Variants in RABGAP1L observed in about 807,000 individuals in gnomAD.
RABGAP1L encodes the protein RAB GTPase activating protein 1 like, also known as rab GTPase-activating protein 1-like.
Under a neutral mutation model 137.7 loss-of-function variants are expected in RABGAP1L, and 63 were observed. The observed-to-expected ratio is 0.46, with a 90% CI of 0.37 to 0.56. The LOEUF (loss-of-function observed/expected upper bound fraction) is 0.56, where lower values mean the gene tolerates loss of function less well. RABGAP1L is among the 20% of genes least tolerant of loss of function. The pLI is 0.00. For synonymous variants in RABGAP1L, 431 were observed against 433.7 expected, an observed-to-expected ratio of 0.99 and a Z score of 0.08; for missense variants, 1,095 against 1,244.0, an observed-to-expected ratio of 0.88 and a Z score of 1.80.
chr1:174,405,230 T>C (rs12090908), intron 13 of RABGAP1L, among the ~76,000 whole-genome samples: 4,412 of 152,322 alleles, frequency 0.029, 218 homozygotes, highest in African/African-American at 0.096. Context: ...TTTGTTAAGT[T>C]TCAAAACTAA....
intron 13 of RABGAP1L, among the ~76,000 whole-genome samples, chr1:174,625,575 G>C (rs1398640932): frequency 6.6e-6 from 1 of 152,078 alleles, no homozygotes; most frequent in East Asian, 1.9e-4. Context: ...TGGGATTACA[G>C]GTGTGAGCCA....
rs1558334145 is a variant in RABGAP1L at position 174,550,971 on chromosome 1, C to CATGTATATATACATATATATATACAT, written c.1711-86381_1711-86380insCATATGTATATATACATATATATATA. ...ACACATATATATACACATATATATA[C>CATGTATATATACATATATATATACAT]ATGTATATATACATATATATATATA... On this transcript the variant is annotated intron_variant, in intron 13 of 25. Transcript: ENST00000681986. 1.5e-4 allele frequency among the ~76,000 whole-genome samples: 12 copies of CATGTATATATACATATATATATACAT among 79,498 alleles called. 1 individual carries two copies. The highest frequency in any genetic ancestry group is 8.8e-4 in the African/African-American group (10 of 11,358). 52.2% of individuals were successfully genotyped at this position (79,498 alleles called of 152,430 possible).
chr1:174,449,973 A>G (rs1655247088), intron 13 of RABGAP1L, among the ~76,000 whole-genome samples: 2 of 152,120 alleles, frequency 1.3e-5, no homozygotes, highest in South Asian at 4.1e-4. Context: ...TCTACTGTAT[A>G]GAGCATCCAT....
chr1:174,613,080 A>C (rs1671427678), intron 13 of RABGAP1L, among the ~76,000 whole-genome samples: 1 of 149,812 alleles, frequency 6.7e-6, no homozygotes, highest in Non-Finnish European at 1.5e-5. Context: ...GATTTTAGTT[A>C]TTTCTTGCCT....
intron 24 of RABGAP1L, among the ~76,000 whole-genome samples, chr1:174,988,410 C>A (rs888522620): frequency 1.8e-4 from 28 of 152,206 alleles, no homozygotes; most frequent in African/African-American, 6.7e-4. Flanking sequence ...GCTACAATAC[C>A]TTCTATTTCT....
intron 13 of RABGAP1L, among the ~76,000 whole-genome samples, chr1:174,452,000 C>T (rs1655504683): frequency 6.6e-6 from 1 of 152,124 alleles, no homozygotes; most frequent in African/African-American, 2.4e-5. Context: ...GAGGCAAATT[C>T]TGAGTTTATT....
At chr1:174,962,016 T>TA (rs1000567782) in intron 20 of RABGAP1L, among the ~76,000 whole-genome samples, 3 of 146,134 alleles carry the variant, frequency 2.1e-5, no homozygotes, top group Admixed American at 6.8e-5. Context: ...AATAAAAATA[T>TA]AAAAAAAAAT....
chr1:174,823,172 C>T (rs1330923546), intron 19 of RABGAP1L, among the ~76,000 whole-genome samples: 1 of 152,070 alleles, frequency 6.6e-6, no homozygotes, highest in Non-Finnish European at 1.5e-5. Context: ...TTTCCCTGCA[C>T]CTAATTCACG....
At position 174,248,301 on chromosome 1, in the gene RABGAP1L, AATACTT is replaced by A. The variant is rs1173379030; in HGVS notation, c.718-2173_718-2168del. On this transcript the variant is annotated intron_variant, in intron 5 of 25. Coordinates refer to ENST00000681986, the MANE Select transcript of RABGAP1L (RefSeq NM_001366446.1). ...CTCTTGTATTTCTGGCACCTAGACT[AATACTT>A]GGTATGCAGAAGGTGCTCAAATAAT... Among the ~76,000 whole-genome samples the A allele has an allele frequency of 7.2e-5, 11 of 152,332 alleles. 1 individual carries two copies. In the East Asian group the frequency reaches 1.3e-3, roughly 19 times the overall value.
chr1:174,791,845 T>C (rs1437031061), intron 18 of RABGAP1L, among the ~76,000 whole-genome samples: 1 of 152,206 alleles, frequency 6.6e-6, no homozygotes, highest in Admixed American at 6.5e-5. Flanking sequence ...AAGGCAGATG[T>C]GCTTTATTAT....
chr1:174,217,407 G>T (rs924441836), intron 1 of RABGAP1L, among the ~76,000 whole-genome samples: 3 of 152,212 alleles, frequency 2.0e-5, no homozygotes, highest in Admixed American at 1.3e-4. Flanking sequence ...CCATGACAAT[G>T]ACAGACATTA....
At chr1:174,268,881 A>G (rs1228536454) in intron 7 of RABGAP1L, among the ~76,000 whole-genome samples, 1 of 152,092 alleles carries the variant, frequency 6.6e-6, no homozygotes, top group Non-Finnish European at 1.5e-5. Flanking sequence ...TATAATTATC[A>G]ACTGTTTTAT....
intron 7 of RABGAP1L, among the ~76,000 whole-genome samples, chr1:174,261,863 T>C (rs1353226488): frequency 6.6e-6 from 1 of 152,228 alleles, no homozygotes; most frequent in African/African-American, 2.4e-5. Context: ...TATGAACTTT[T>C]ACAGCAAAAT....
At chr1:174,738,953 G>A (rs1683171859) in intron 17 of RABGAP1L, among the ~76,000 whole-genome samples, 1 of 152,026 alleles carries the variant, frequency 6.6e-6, no homozygotes, top group Non-Finnish European at 1.5e-5. Flanking sequence ...AATTGTTTTT[G>A]TTTTGTCATT....
intron 13 of RABGAP1L, among the ~76,000 whole-genome samples, chr1:174,622,682 C>T (rs940530931): frequency 6.6e-6 from 1 of 152,130 alleles, no homozygotes; most frequent in African/African-American, 2.4e-5. Flanking sequence ...GGAAGGGGAA[C>T]ATCACACTCC....
chr1:174,574,886 T>A (rs1668253654), intron 13 of RABGAP1L, among the ~76,000 whole-genome samples: 1 of 152,194 alleles, frequency 6.6e-6, no homozygotes, highest in East Asian at 1.9e-4. Context: ...AAGAGTAGAC[T>A]GGATTTTCTC....
At chr1:174,929,848 ATTTT>A (rs58140970) in intron 19 of RABGAP1L, among the ~76,000 whole-genome samples, 122 of 124,702 alleles carry the variant, frequency 9.8e-4, no homozygotes, top group Middle Eastern at 4.2e-3. Context: ...GCAAAATTTA[ATTTT>A]TTTTTTTTTT....
intron 13 of RABGAP1L, among the ~76,000 whole-genome samples, chr1:174,527,308 A>T (rs1219741152): frequency 6.7e-6 from 1 of 149,722 alleles, no homozygotes; most frequent in East Asian, 2.0e-4. Flanking sequence ...GATTCAAGCG[A>T]TTCTTTGCCT....
intron 8 of RABGAP1L, among the ~76,000 whole-genome samples, chr1:174,274,606 C>CTGTGTGTGTGTGTGTGTGTGTGTG (rs61468070): frequency 8.9e-5 from 13 of 146,160 alleles, no homozygotes; most frequent in African/African-American, 3.3e-4. Context: ...ACAGGTGACT[C>CTGTGTGTGTGTGTGTGTGTGTGTG]TGTGTGTGTG....
Sources: gnomAD v4.1 joint callset for allele counts (sites outside exome capture counted in the v4.1 genomes callset) on GRCh38, gnomAD v4.1.1 for gene constraint, MANE v1.5 for transcripts, NCBI Gene and HGNC (gene_info 2026-07-23, HGNC 2026-07-21) for gene names.